The following VPS26A variants were observed in gnomAD, a reference collection of about 807,000 sequenced individuals.
VPS26A encodes VPS26 retromer complex component A.
In VPS26A, 22 loss-of-function variants were observed where a neutral mutation model predicts 42.4. The observed-to-expected ratio is 0.52, with a 90% CI of 0.37 to 0.74. The LOEUF is 0.74. Among genes scored for constraint, VPS26A ranks in the 30% least tolerant of loss-of-function variants. The pLI is 0.00. For synonymous variants in VPS26A, 110 were observed against 123.5 expected (o/e 0.89, Z 0.73); for missense variants, 276 against 379.2 (o/e 0.73, Z 2.26).
chr10:69,155,567 A>AGG (rs1841415322), intron 2 of VPS26A, among the ~76,000 whole-genome samples: 1 of 152,210 alleles, frequency 6.6e-6, no homozygotes, highest in Non-Finnish European at 1.5e-5. Flanking sequence ...CCACCTATTA[A>AGG]GGATTCCTTC....
chr10:69,164,280 C>A (rs970551082), intron 6 of VPS26A, among the ~76,000 whole-genome samples: 1 of 150,680 alleles, frequency 6.6e-6, no homozygotes, highest in Non-Finnish European at 1.5e-5. Context: ...TGCAATGGTA[C>A]AATTATAGCT....
At chr10:69,138,825 A>T (rs889656948) in intron 2 of VPS26A, among the ~76,000 whole-genome samples, 1 of 152,188 alleles carries the variant, frequency 6.6e-6, no homozygotes, top group Non-Finnish European at 1.5e-5. Context: ...TGTAATTAGC[A>T]TATCCCATAA....
intron 2 of VPS26A, among the ~76,000 whole-genome samples, chr10:69,148,619 G>A (rs1180203802): frequency 6.6e-6 from 1 of 152,140 alleles, no homozygotes; most frequent in Non-Finnish European, 1.5e-5. Context: ...TACATTGATA[G>A]TATATGTTTG....
intron 2 of VPS26A, among the ~76,000 whole-genome samples, chr10:69,145,722 TTTTC>T (rs1449890764): frequency 2.0e-4 from 16 of 80,910 alleles, no homozygotes; most frequent in Middle Eastern, 8.8e-3. Flanking sequence ...TACTTTTTTC[TTTTC>T]TTTTTTTTTT....
chr10:69,137,294 T>G (rs960357190), intron 2 of VPS26A, among the ~76,000 whole-genome samples: 2 of 152,208 alleles, frequency 1.3e-5, no homozygotes, highest in Non-Finnish European at 2.9e-5. Flanking sequence ...ATTTATGTCT[T>G]AGGATTTTTG....
At chr10:69,129,815 G>A (rs527472673) in intron 1 of VPS26A, among the ~76,000 whole-genome samples, 12 of 152,244 alleles carry the variant, frequency 7.9e-5, no homozygotes, top group Admixed American at 2.0e-4. Flanking sequence ...GAGCTACCGC[G>A]CCTGGCCCAA....
intron 2 of VPS26A, among the ~76,000 whole-genome samples, chr10:69,140,865 T>G (rs529475775): frequency 6.6e-6 from 1 of 152,342 alleles, no homozygotes; most frequent in African/African-American, 2.4e-5. Context: ...ATGAGTAATT[T>G]GGGAGTTCTT....
intron 2 of VPS26A, among the ~76,000 whole-genome samples, chr10:69,140,773 C>A (rs2132201227): frequency 6.6e-6 from 1 of 152,260 alleles, no homozygotes; most frequent in South Asian, 2.1e-4. Flanking sequence ...TTTGAGTGTT[C>A]TAATATTATT....
At chr10:69,140,700 ATGGTT>A (rs1325640219) in intron 2 of VPS26A, among the ~76,000 whole-genome samples, 2 of 151,924 alleles carry the variant, frequency 1.3e-5, no homozygotes, top group African/African-American at 4.8e-5. Flanking sequence ...TGAACTTTTG[ATGGTT>A]TGGTTTAGGA....
chr10:69,127,194 C>T (rs1338254480), intron 1 of VPS26A, among the ~76,000 whole-genome samples: 7 of 148,650 alleles, frequency 4.7e-5, no homozygotes, highest in Middle Eastern at 3.2e-3. Context: ...GATCCGCCCG[C>T]CTTGTCCTCC....
intron 2 of VPS26A, among the ~76,000 whole-genome samples, chr10:69,135,048 T>G (rs1196773803): frequency 6.6e-6 from 1 of 152,178 alleles, no homozygotes; most frequent in African/African-American, 2.4e-5. Flanking sequence ...AAATGACTTG[T>G]TAATGGGCTG....
At chr10:69,140,584 C>T (rs778778777) in intron 2 of VPS26A, among the ~76,000 whole-genome samples, 21 of 150,032 alleles carry the variant, frequency 1.4e-4, no homozygotes, top group Non-Finnish European at 2.1e-4. Flanking sequence ...GGGGTTTCAC[C>T]GTGTTGCCCA....
chr10:69,147,421 T>TA (rs1384598323), intron 2 of VPS26A, among the ~76,000 whole-genome samples: 3 of 151,050 alleles, frequency 2.0e-5, no homozygotes, highest in Admixed American at 6.5e-5. Context: ...AGGTCCAATT[T>TA]ATCAATTTTT....
intron 2 of VPS26A, among the ~76,000 whole-genome samples, chr10:69,136,269 CT>C (rs758313238): frequency 1.1e-3 from 160 of 142,048 alleles, no homozygotes; most frequent in Non-Finnish European, 1.2e-3. Context: ...CTTTTCTTTT[CT>C]TTTTTTTTTT....
intron 1 of VPS26A, among the ~76,000 whole-genome samples, chr10:69,127,690 C>T (rs1410982460): frequency 6.8e-6 from 1 of 146,560 alleles, no homozygotes; most frequent in African/African-American, 2.5e-5. Flanking sequence ...CATTTGATTG[C>T]TTCCAATTTT....
rs35356640 is a variant in VPS26A, at chr10:69,142,738, C to CA, written c.153+9705dup. ...AAAAGAAAGCTTTCCCCCCACTATTCAAAAAAAAAAAAAAGATTTAAATTG... is the reference window on the plus strand; with the variant it reads ...AAAAGAAAGCTTTCCCCCCACTATTCAAAAAAAAAAAAAAAGATTTAAATTG... On this transcript the variant is annotated intron_variant, in intron 2 of 8. Transcript: ENST00000263559. 7.5e-3 allele frequency among the ~76,000 whole-genome samples: 886 copies of CA among 118,800 alleles called. 1 individual carries two copies. The highest frequency in any genetic ancestry group is 0.016 in the East Asian group (59 of 3,774). The allele number at this position is 118,800 out of a possible 152,430, so 77.9% of individuals were successfully genotyped here.
chr10:69,130,101 A>T (rs1589343219), intron 1 of VPS26A, among the ~76,000 whole-genome samples: 1 of 152,148 alleles, frequency 6.6e-6, no homozygotes, highest in East Asian at 1.9e-4. Context: ...AATATTATTG[A>T]CTATTCCAGA....
intron 2 of VPS26A, among the ~76,000 whole-genome samples, chr10:69,146,190 G>C (rs1841155898): frequency 6.6e-6 from 1 of 152,114 alleles, no homozygotes; most frequent in African/African-American, 2.4e-5. Flanking sequence ...TGCCTCCTGG[G>C]TTCAAGCAAT....
chr10:69,145,880 C>G (rs75268924), intron 2 of VPS26A, among the ~76,000 whole-genome samples: 2,596 of 152,046 alleles, frequency 0.017, 67 homozygotes, highest in African/African-American at 0.059. Context: ...AAAAGAAATC[C>G]CATATTATTA....
Sources: gnomAD v4.1 joint callset for allele counts (sites outside exome capture counted in the v4.1 genomes callset) on GRCh38, gnomAD v4.1.1 for gene constraint, MANE v1.5 for transcripts, NCBI Gene and HGNC (gene_info 2026-07-23, HGNC 2026-07-21) for gene names.